The following IL36B variants were observed in gnomAD, a reference collection of about 807,000 sequenced individuals.
IL36B encodes the protein interleukin 36 beta, also known as interleukin-36 beta.
Under a neutral mutation model 19.3 loss-of-function variants are expected in IL36B, and 23 were observed. The observed-to-expected ratio is 1.19, with a 90% CI of 0.86 to 1.69. IL36B has a LOEUF of 1.69. Ranked by LOEUF, IL36B falls within the 40% of genes most tolerant of loss-of-function variation. The pLI is 0.00. For synonymous variants in IL36B, 59 were observed against 59.7 expected (o/e 0.99, Z 0.05); for missense variants, 217 against 200.5 (o/e 1.08, Z -0.50).
At chr2:113,040,709 T>C (rs967804664) in intron 1 of IL36B, among the ~76,000 whole-genome samples, 1 of 152,190 alleles carries the variant, frequency 6.6e-6, no homozygotes, top group Admixed American at 6.5e-5. Context: ...CACCAAAAAC[T>C]ACAAAGTGTT....
intron 1 of IL36B, among the ~76,000 whole-genome samples, chr2:113,032,064 G>A (rs6724667): frequency 0.79 from 119,371 of 151,730 alleles, 47,939 homozygotes; most frequent in East Asian, 0.94. Context: ...ACATCACCAC[G>A]GGCACCTTCT....
chr2:113,034,181 C>G (rs1289985202), intron 1 of IL36B, among the ~76,000 whole-genome samples: 2 of 152,168 alleles, frequency 1.3e-5, no homozygotes, highest in African/African-American at 4.8e-5. Flanking sequence ...GCCTTCTATC[C>G]CTGCCCATCT....
chr2:113,036,225 G>A lies in IL36B; in HGVS notation c.-57-4459C>T, dbSNP rs542821132. Among the ~76,000 whole-genome samples the A allele has an allele frequency of 3.5e-4, 53 of 152,176 alleles. 1 individual carries two copies. In the South Asian group the frequency reaches 5.6e-3, roughly 16 times the overall value. On this transcript the variant is annotated intron_variant, in intron 1 of 5. Coordinates refer to ENST00000259213, the MANE Select transcript of IL36B (RefSeq NM_014438.5). Reference sequence around the variant, plus strand: ...CCTCCCAAAGTGCTGGAATTCAGGCGTGAGCCAGCGTACCAGGCCTGATTC... The same window carrying A: ...CCTCCCAAAGTGCTGGAATTCAGGCATGAGCCAGCGTACCAGGCCTGATTC...
intron 4 of IL36B, chr2:113,027,854 C>G (rs1418076346): frequency 8.7e-6 from 14 of 1,604,948 alleles, no homozygotes; most frequent in Non-Finnish European, 1.1e-5. Flanking sequence ...ATGACTCTGA[C>G]AGCTTGATTC....
chr2:113,031,930 G>T (rs1028933811), intron 1 of IL36B, among the ~76,000 whole-genome samples, 164 bp from the exon 2 acceptor site: 1 of 152,124 alleles, frequency 6.6e-6, no homozygotes, highest in Non-Finnish European at 1.5e-5. Flanking sequence ...ACATTTCAAG[G>T]CCAGAAAACC....
Position 113,031,687 on chromosome 2 carries a change from C to T in IL36B, c.13+10G>A. On this transcript the variant is annotated intron_variant, in intron 2 of 5. Coordinates refer to ENST00000259213, the MANE Select transcript of IL36B (RefSeq NM_014438.5). ...GATATTTCCAAGCTGATTTGCAATT[C>T]ACCACTTACGTTGTGGGTTCATGAT... 1 of 1,608,920 alleles carries T rather than the reference C, an allele frequency of 6.2e-7. No individual in the cohort carries two copies. The highest frequency in any genetic ancestry group is 1.7e-4 in the Middle Eastern group (1 of 5,844).
intron 2 of IL36B, among the ~76,000 whole-genome samples, chr2:113,031,367 G>C (rs1171242657): frequency 6.6e-6 from 1 of 152,068 alleles, no homozygotes; most frequent in African/African-American, 2.4e-5. Context: ...ACAGTCCCAA[G>C]ATTCACCTTT....
At chr2:113,033,577 A>G (rs1180824889) in intron 1 of IL36B, among the ~76,000 whole-genome samples, 2 of 152,132 alleles carry the variant, frequency 1.3e-5, no homozygotes, top group Non-Finnish European at 2.9e-5. Flanking sequence ...TTTATTTCTC[A>G]TGTAAGAAAA....
At chr2:113,041,152 GCC>G in intron 1 of IL36B, among the ~76,000 whole-genome samples, 1 of 54,444 alleles carries the variant, frequency 1.8e-5, no homozygotes, top group African/African-American at 1.2e-4. Flanking sequence ...GCAAGACTTT[GCC>G]ACACACAAAA....
In IL36B at chr2:113,029,006, C is replaced by G. The variant is rs758039952; in HGVS notation, c.194G>C (p.Gly65Ala). 3 of 1,613,948 alleles carry G rather than the reference C, an allele frequency of 1.9e-6. No homozygotes were observed. In the South Asian group the frequency reaches 3.3e-5, roughly 18 times the overall value. The change falls in exon 4 of 6, where the codon GGA becomes GCA. Residue 65 changes from glycine (G) to alanine (A), a missense_variant. Gly to Ala is a moderately conservative substitution (Grantham distance 60, BLOSUM62 0). Coordinates refer to ENST00000259213, the MANE Select transcript of IL36B (RefSeq NM_014438.5). ...GAGACAGAGATCTTTTCCCTTGATT[C>G]CCAGGTAAACCATATTACCCTTTTC...
chr2:113,036,028 C>T (rs775075014), intron 1 of IL36B, among the ~76,000 whole-genome samples: 23 of 152,256 alleles, frequency 1.5e-4, no homozygotes, highest in Admixed American at 3.9e-4. Flanking sequence ...CTGAAACCTC[C>T]GCCCCACCCG....
chr2:113,026,371 G>A, intron 4 of IL36B: 1 of 1,363,776 alleles, frequency 7.3e-7, no homozygotes, highest in Non-Finnish European at 9.8e-7. Flanking sequence ...ATCCCAAAGA[G>A]AATGCGGGGC....
intron 1 of IL36B, among the ~76,000 whole-genome samples, chr2:113,050,345 C>CA (rs79717470): frequency 0.018 from 2,699 of 146,012 alleles, 23 homozygotes; most frequent in African/African-American, 0.023. Flanking sequence ...AAACTAATAA[C>CA]AAAAAAAAAA....
At chr2:113,040,832 A>G (rs1341156013) in intron 1 of IL36B, among the ~76,000 whole-genome samples, 4 of 152,350 alleles carry the variant, frequency 2.6e-5, no homozygotes, top group Admixed American at 6.5e-5. Context: ...CATCTCTACC[A>G]TAATAGCACT....
rs1684885220 is a variant in IL36B, at chr2:113,022,744, T to C, written c.425A>G (p.His142Arg). The change falls in exon 6 of 6, where the codon CAC becomes CGC. Residue 142 changes from histidine to arginine, a missense_variant. Coordinates refer to ENST00000259213, the MANE Select transcript of IL36B (RefSeq NM_014438.5). The stretch of plus-strand genomic sequence containing the variant: ...ATCTTTGTCCTTCTTCCTGAGATGG[T>C]GATGTTGAAAGGAACTCTTCCACTT... The C allele has an allele frequency of 6.2e-7, 1 of 1,613,162 alleles. No homozygotes were observed. Among genetic ancestry groups the C allele is most frequent in the Non-Finnish European group, 8.5e-7 (1 of 1,179,178 alleles).
intron 3 of IL36B, among the ~76,000 whole-genome samples, chr2:113,029,763 G>A (rs1685039336): frequency 6.6e-6 from 1 of 152,152 alleles, no homozygotes; most frequent in Non-Finnish European, 1.5e-5. Flanking sequence ...AATGAGTGTA[G>A]GGGTGATTCA....
In IL36B at chr2:113,040,202, G is replaced by A. The variant is rs549026167; in HGVS notation, c.-57-8436C>T. ...TTAATAGACAAAGTATTAGGCCAAA[G>A]GTAACATCTACTTAGGATATAAACT... is the stretch of plus-strand genomic sequence containing the variant. On this transcript the variant is annotated intron_variant, in intron 1 of 5. Coordinates refer to ENST00000259213, the MANE Select transcript of IL36B (RefSeq NM_014438.5). Among the ~76,000 whole-genome samples, 24 of 152,210 alleles carry A rather than the reference G, an allele frequency of 1.6e-4. 1 individual carries two copies. In the South Asian group the frequency reaches 5.0e-3, roughly 32 times the overall value.
intron 1 of IL36B, among the ~76,000 whole-genome samples, chr2:113,048,981 A>G (rs536674739): frequency 1.3e-5 from 2 of 152,322 alleles, no homozygotes; most frequent in Admixed American, 1.3e-4. Context: ...TATGCTAGCT[A>G]TTGTTCTTCT....
At chr2:113,034,143 T>C (rs1447853859) in intron 1 of IL36B, among the ~76,000 whole-genome samples, 1 of 152,186 alleles carries the variant, frequency 6.6e-6, no homozygotes, top group East Asian at 1.9e-4. Context: ...CAAGCCCACA[T>C]GATCTGGGTC....
Sources: gnomAD v4.1 joint callset for allele counts (sites outside exome capture counted in the v4.1 genomes callset) on GRCh38, gnomAD v4.1.1 for gene constraint, MANE v1.5 for transcripts, NCBI Gene and HGNC (gene_info 2026-07-23, HGNC 2026-07-21) for gene names.